The following MID1 variants were observed in gnomAD, a reference collection of about 807,000 sequenced individuals.
The protein encoded by MID1 is E3 ubiquitin-protein ligase Midline-1.
Under a neutral mutation model 40.4 loss-of-function variants are expected in MID1, and 7 were observed. The ratio of observed to expected loss-of-function variants is 0.17; its 90% CI spans 0.10 to 0.33. The LOEUF is 0.33. MID1 is among the 10% of genes least tolerant of loss of function. The pLI is 1.00. For missense variants in MID1, 367 were observed against 558.5 expected (o/e 0.66, Z 3.46); for synonymous variants, 229 against 221.2 (o/e 1.04, Z -0.31).
chrX:10,485,485 T>G (rs1388148998), intron 4 of MID1, among the ~76,000 whole-genome samples: 1 of 112,274 alleles, frequency 8.9e-6, no homozygotes, highest in Non-Finnish European at 1.9e-5. Context: ...GGGAAATATT[T>G]TCCAGTCAAC....
At chrX:10,833,472 G>C (rs1026435523) in intron 1 of MID1, 2 of 112,463 alleles carry the variant, frequency 1.8e-5, no homozygotes, top group African/African-American at 6.5e-5. Context: ...GCTGAGCAAC[G>C]CCTCTTACTT....
intron 1 of MID1, among the ~76,000 whole-genome samples, chrX:10,659,584 A>G (rs933281073): frequency 4.5e-5 from 5 of 111,066 alleles, no homozygotes; most frequent in African/African-American, 1.6e-4. Context: ...CATTAAAATT[A>G]TTTATGTTTT....
upstream of MID1, among the ~76,000 whole-genome samples, chrX:10,623,904 T>C (rs193074104): frequency 9.0e-5 from 10 of 111,484 alleles, no homozygotes; most frequent in East Asian, 2.8e-3. Context: ...GTTGTTTTAT[T>C]ATCGGGACAG....
intron 1 of MID1, among the ~76,000 whole-genome samples, chrX:10,612,611 C>T (rs1351005554): frequency 1.8e-5 from 2 of 112,328 alleles, no homozygotes; most frequent in African/African-American, 6.5e-5. Flanking sequence ...AAGCACAAAA[C>T]CCAAATATAA....
chrX:10,465,214 TACAC>T (rs775197915), intron 7 of MID1, among the ~76,000 whole-genome samples: 545 of 39,789 alleles, frequency 0.014, 5 homozygotes, highest in Middle Eastern at 0.031. Flanking sequence ...TATATATATA[TACAC>T]ACACACACAC....
intron 1 of MID1, among the ~76,000 whole-genome samples, chrX:10,779,590 C>T (rs923576890): frequency 1.8e-5 from 2 of 112,078 alleles, no homozygotes; most frequent in Non-Finnish European, 3.8e-5. Context: ...GAGAAGAGGA[C>T]ATTGGATTGG....
At chrX:10,830,480 G>A (rs1006343360) in intron 1 of MID1, among the ~76,000 whole-genome samples, 2 of 112,674 alleles carry the variant, frequency 1.8e-5, no homozygotes, top group African/African-American at 3.2e-5. Flanking sequence ...AATTAATAAT[G>A]CAAAAAATGT....
intron 1 of MID1, among the ~76,000 whole-genome samples, chrX:10,575,920 G>C (rs1167652977): frequency 3.7e-5 from 4 of 109,301 alleles, no homozygotes; most frequent in Non-Finnish European, 5.7e-5. Context: ...CCAAATGTCA[G>C]CACACTCAAA....
intron 3 of MID1, among the ~76,000 whole-genome samples, chrX:10,503,289 T>C (rs1026202705): frequency 1.8e-5 from 2 of 111,412 alleles, no homozygotes; most frequent in African/African-American, 6.5e-5. Flanking sequence ...CCAAGGAGAA[T>C]TGAGGAACAG....
chrX:10,650,509 A>G (rs187483636), intron 1 of MID1, among the ~76,000 whole-genome samples: 1 of 111,907 alleles, frequency 8.9e-6, no homozygotes, highest in Non-Finnish European at 1.9e-5. Context: ...GCAGGAAGGA[A>G]GGCTGAAGTC....
chrX:10,482,701 T>A, intron 4 of MID1, 73 bp from the exon 5 acceptor site: 3 of 1,069,359 alleles, frequency 2.8e-6, no homozygotes, highest in Non-Finnish European at 3.9e-6. Context: ...TCAGGCTGGA[T>A]CCTTCATTTT....
chrX:10,678,105 C>G (rs1291955996), intron 1 of MID1, among the ~76,000 whole-genome samples: 1 of 110,960 alleles, frequency 9.0e-6, no homozygotes, highest in African/African-American at 3.3e-5. Flanking sequence ...AGGAGCACTA[C>G]TGAACACTAG....
chrX:10,708,395 G>A (rs914478049), intron 1 of MID1, among the ~76,000 whole-genome samples: 1 of 111,677 alleles, frequency 9.0e-6, no homozygotes, highest in African/African-American at 3.3e-5. Flanking sequence ...CAGTCAGGGT[G>A]CATTCTGCAT....
intron 1 of MID1, among the ~76,000 whole-genome samples, chrX:10,805,407 T>C (rs1462355857): frequency 9.2e-6 from 1 of 108,202 alleles, no homozygotes; most frequent in Non-Finnish European, 1.9e-5. Flanking sequence ...AACTCATCCT[T>C]TTTTATGGCT....
intron 7 of MID1, among the ~76,000 whole-genome samples, chrX:10,465,214 T>TACATACATAC (rs1556005748): frequency 2.5e-5 from 1 of 39,899 alleles, no homozygotes; most frequent in African/African-American, 1.4e-4. Flanking sequence ...TATATATATA[T>TACATACATAC]ACACACACAC....
intron 1 of MID1, among the ~76,000 whole-genome samples, chrX:10,685,597 C>G (rs924924561): frequency 1.8e-5 from 2 of 111,366 alleles, no homozygotes; most frequent in Non-Finnish European, 3.8e-5. Flanking sequence ...CAAGAAGAAT[C>G]TAGACAGACA....
intron 3 of MID1, chrX:10,501,279 C>A (rs1931528234): frequency 3.2e-6 from 2 of 616,723 alleles, no homozygotes; most frequent in East Asian, 7.3e-5. Flanking sequence ...CTAGGCTCCT[C>A]AATACTATGG....
chrX:10,681,428 G>A lies in MID1; in HGVS notation c.-186-61009C>T, dbSNP rs1271567293. Reference sequence around the variant, plus strand: ...AGTCATCTGGAGACTCGCTCATTGCGTGGCTGACAGTTGATGCTGGTTGTT... The same window carrying A: ...AGTCATCTGGAGACTCGCTCATTGCATGGCTGACAGTTGATGCTGGTTGTT... On this transcript the variant is annotated intron_variant, in intron 1 of 10. Transcript: ENST00000380785. 4.5e-5 allele frequency among the ~76,000 whole-genome samples: 5 copies of A among 112,082 alleles called. No homozygotes were observed. The East Asian group carries it at 8.4e-4, about 19-fold the overall frequency.
chrX:10,601,173 CT>C (rs1269298246), intron 1 of MID1, among the ~76,000 whole-genome samples: 1 of 112,237 alleles, frequency 8.9e-6, no homozygotes, highest in African/African-American at 3.2e-5. Flanking sequence ...AGCATTATTG[CT>C]TTAAGTTTTA....
Sources: allele counts gnomAD v4.1 joint callset (sites outside exome capture counted in the v4.1 genomes callset), GRCh38; gene constraint gnomAD v4.1.1; transcripts MANE v1.5; gene names NCBI Gene and HGNC (gene_info 2026-07-23, HGNC 2026-07-21).